Variants in MCM3AP observed in about 807,000 individuals in gnomAD.
MCM3AP encodes the protein germinal-center associated nuclear protein.
A neutral mutation model predicts 184.1 loss-of-function variants in MCM3AP; 126 were observed. The observed-to-expected ratio is 0.68, with a 90% CI of 0.59 to 0.79. MCM3AP has a LOEUF of 0.79. Ranked by LOEUF, MCM3AP falls within the 30% of genes least tolerant of loss-of-function variation. MCM3AP has a pLI of 0.00. For synonymous variants in MCM3AP, 1,002 were observed against 979.3 expected (o/e 1.02, Z -0.43); for missense variants, 2,496 against 2,479.2 (o/e 1.01, Z -0.14).
At chr21:46,235,570 G>T in intron 27 of MCM3AP, 144 bp from the exon 28 acceptor site, 1 of 659,476 alleles carries the variant, frequency 1.5e-6, no homozygotes, top group South Asian at 1.9e-5. Flanking sequence ...ATTATCCTTT[G>T]TATATCCTTC....
Position 46,236,996 on chromosome 21 carries a change from T to G in MCM3AP, c.5634-17A>C, listed in dbSNP as rs1206196142. 6.8e-7 allele frequency: 1 copy of G among 1,465,828 alleles called. No individual in the cohort carries two copies. Among genetic ancestry groups the G allele is most frequent in the Non-Finnish European group, 9.0e-7 (1 of 1,106,238 alleles). The allele number at this position is 1,465,828 out of a possible 1,614,324, so 90.8% of individuals were successfully genotyped here. On this transcript the variant is annotated splice_polypyrimidine_tract_variant and intron_variant, in intron 26 of 27. Coordinates refer to ENST00000291688, the MANE Select transcript of MCM3AP (RefSeq NM_003906.5). ...TCTTCAAACCTGAAACAATATGTAA[T>G]AAATTCAAAAATATTTGAGCATTAG...
chr21:46,268,207 A>G (rs1370623735), intron 9 of MCM3AP: 1 of 152,228 alleles, frequency 6.6e-6, no homozygotes, highest in African/African-American at 2.4e-5. Flanking sequence ...AAAAAAATAA[A>G]TAAATAAAAA....
intron 20 of MCM3AP, chr21:46,250,039 A>G (rs983384825): frequency 6.5e-6 from 1 of 153,436 alleles, no homozygotes; most frequent in African/African-American, 2.4e-5. Flanking sequence ...CAGAGGGAAC[A>G]TGGATGGATC....
chr21:46,261,652 G>A (rs767961582), intron 13 of MCM3AP, among the ~76,000 whole-genome samples: 18 of 151,454 alleles, frequency 1.2e-4, no homozygotes, highest in Admixed American at 2.6e-4. Flanking sequence ...AGAATTGCTC[G>A]GACCTGGGAG....
At position 46,272,870 on chromosome 21, in the gene MCM3AP, T is replaced by G. The variant is rs759891186; in HGVS notation, c.2197-41A>C. On this transcript the variant is annotated intron_variant, in intron 7 of 27. Transcript: ENST00000291688. ...GGGGAGGATCACACACACATTCCCATGCAAAGAGGCAACCGTGAGAAGGAT... is the reference window on the plus strand; with the variant it reads ...GGGGAGGATCACACACACATTCCCAGGCAAAGAGGCAACCGTGAGAAGGAT... 5 of 1,520,514 alleles carry G rather than the reference T, an allele frequency of 3.3e-6. No homozygotes were observed. In the South Asian group the frequency reaches 4.0e-5, roughly 12 times the overall value. 94.2% of individuals were successfully genotyped at this position (1,520,514 alleles called of 1,614,324 possible).
At chr21:46,243,166 T>A (rs2123819829) in intron 24 of MCM3AP, among the ~76,000 whole-genome samples, 1 of 152,112 alleles carries the variant, frequency 6.6e-6, no homozygotes, top group South Asian at 2.1e-4. Context: ...TCACTCAAAG[T>A]CCAGACAAGC....
intron 17 of MCM3AP, among the ~76,000 whole-genome samples, chr21:46,255,299 C>A (rs2080932917): frequency 6.6e-6 from 1 of 152,064 alleles, no homozygotes; most frequent in Admixed American, 6.6e-5. Context: ...CATAGCTGGA[C>A]CTGGTGTGTT....
chr21:46,248,647 C>A (rs779463354), intron 20 of MCM3AP, among the ~76,000 whole-genome samples: 2 of 148,230 alleles, frequency 1.3e-5, no homozygotes, highest in Non-Finnish European at 1.5e-5. Flanking sequence ...CCAGATAATA[C>A]GTGAACCAAA....
intron 8 of MCM3AP, 87 bp downstream of exon 8, chr21:46,272,474 G>A (rs2081193075): frequency 1.5e-6 from 2 of 1,319,448 alleles, no homozygotes; most frequent in Admixed American, 2.0e-5. Flanking sequence ...CTGCACTATT[G>A]GCTACTGCCA....
chr21:46,273,788 G>A (rs967639802), intron 6 of MCM3AP, among the ~76,000 whole-genome samples: 2 of 152,196 alleles, frequency 1.3e-5, no homozygotes, highest in African/African-American at 4.8e-5. Flanking sequence ...TGGCAAATAT[G>A]ACAAGGAGTT....
intron 6 of MCM3AP, among the ~76,000 whole-genome samples, 186 bp downstream of exon 6, chr21:46,275,000 T>C (rs886402374): frequency 6.6e-6 from 1 of 150,746 alleles, no homozygotes; most frequent in African/African-American, 2.4e-5. Flanking sequence ...CTTGCATCTA[T>C]ACCTTATCAT....
In MCM3AP at chr21:46,246,319, T is replaced by C. The variant is rs201880491; in HGVS notation, c.4635A>G (p.Gln1545=). 8.6e-5 allele frequency: 138 copies of C among 1,604,844 alleles called. No homozygotes were observed. The highest frequency in any genetic ancestry group is 1.0e-4 in the Non-Finnish European group (121 of 1,171,436). Residue 1545 remains glutamine, a synonymous_variant, in exon 22 of 28, where the codon CAA becomes CAG. Coordinates refer to ENST00000291688, the MANE Select transcript of MCM3AP (RefSeq NM_003906.5). ...GATGAAACCTTACCTTAGTTGAACC[T>C]TGTAGATCATTAATGGTATCAGGGA... is the stretch of plus-strand genomic sequence containing the variant. ...TEIPDTINDL[Q]GSTKVLQAVQ...
rs374212482 is a variant in MCM3AP at position 46,242,997 on chromosome 21, AAACAC to A, written c.5297-71_5297-67del. 220 of 1,389,426 alleles carry A rather than the reference AAACAC, an allele frequency of 1.6e-4. 1 individual carries two copies. Among genetic ancestry groups the A allele is most frequent in the Middle Eastern group, 5.7e-4 (3 of 5,220 alleles). The allele number at this position is 1,389,426 out of a possible 1,614,324, so 86.1% of individuals were successfully genotyped here. On this transcript the variant is annotated intron_variant, in intron 24 of 27. Coordinates refer to ENST00000291688, the MANE Select transcript of MCM3AP (RefSeq NM_003906.5). The stretch of plus-strand genomic sequence containing the variant: ...GCCAACCCTGTCTCAAAAAAAAAAA[AAACAC>A]ACACAAAAAAACAAAAACAGGTACA...
intron 6 of MCM3AP, among the ~76,000 whole-genome samples, chr21:46,274,929 AC>A (rs1375344930): frequency 8.7e-6 from 1 of 114,792 alleles, no homozygotes. Flanking sequence ...ACAGAGTGAG[AC>A]CCTGTCTCAA....
intron 17 of MCM3AP, chr21:46,256,470 T>G: frequency 2.7e-6 from 1 of 369,112 alleles, no homozygotes; most frequent in Non-Finnish European, 5.0e-6. Context: ...CCAACAAGGA[T>G]GGAAGTGGCA....
chr21:46,256,742 G>C (rs1471122227), intron 17 of MCM3AP, 47 bp downstream of exon 17: 1 of 1,526,608 alleles, frequency 6.6e-7, no homozygotes, highest in South Asian at 1.2e-5. Context: ...GTAAAACCAA[G>C]TGGGGGCAGG....
In MCM3AP at chr21:46,256,052, A is replaced by G. The variant is rs150274075; in HGVS notation, c.3932+737T>C. On this transcript the variant is annotated intron_variant, in intron 17 of 27. Coordinates refer to ENST00000291688, the MANE Select transcript of MCM3AP (RefSeq NM_003906.5). ...GGAACATCCAGTGATGACCAGGAGG[A>G]GGACAAGACATGACATGAGGCCCCA... Among the ~76,000 whole-genome samples the G allele has an allele frequency of 6.9e-3, 1,052 of 152,330 alleles. 5 individuals carry two copies. The highest frequency in any genetic ancestry group is 0.011 in the Non-Finnish European group (752 of 68,020).
intron 4 of MCM3AP, among the ~76,000 whole-genome samples, chr21:46,279,075 C>T (rs1406638535): frequency 6.6e-6 from 1 of 151,086 alleles, no homozygotes; most frequent in Non-Finnish European, 1.5e-5. Context: ...CATCTCTAGT[C>T]AGGAGTTCGA....
At chr21:46,266,569 G>C (rs1206757037) in intron 10 of MCM3AP, 1 of 235,078 alleles carries the variant, frequency 4.3e-6, no homozygotes, top group Non-Finnish European at 8.3e-6. Context: ...GCCAGTTTCT[G>C]AGAGAGCGTC....
Sources: allele counts gnomAD v4.1 joint callset (sites outside exome capture counted in the v4.1 genomes callset), GRCh38; gene constraint gnomAD v4.1.1; transcripts MANE v1.5; gene names NCBI Gene and HGNC (gene_info 2026-07-23, HGNC 2026-07-21).